PIP5K1B: variants seen among roughly 807,000 people sequenced by gnomAD.
PIP5K1B encodes the protein phosphatidylinositol-4-phosphate 5-kinase type 1 beta, also known as phosphatidylinositol 4-phosphate 5-kinase type-1 beta.
A neutral mutation model predicts 67.0 loss-of-function variants in PIP5K1B; 42 were observed. The observed-to-expected ratio is 0.63, with a 90% CI of 0.49 to 0.81. The LOEUF (loss-of-function observed/expected upper bound fraction) is 0.81, where lower values mean the gene tolerates loss of function less well. Among genes scored for constraint, PIP5K1B ranks in the 30% least tolerant of loss-of-function variants. The pLI, the probability that PIP5K1B is intolerant of heterozygous loss-of-function variation, is 0.00. For missense variants in PIP5K1B, 459 were observed against 646.3 expected, an observed-to-expected ratio of 0.71 and a Z score of 3.14; for synonymous variants, 214 against 231.4, an observed-to-expected ratio of 0.92 and a Z score of 0.68.
intron 4 of PIP5K1B, among the ~76,000 whole-genome samples, chr9:68,859,010 C>G (rs1178963256): frequency 6.6e-6 from 1 of 152,204 alleles, no homozygotes; most frequent in Non-Finnish European, 1.5e-5. Context: ...AGATCCATCT[C>G]TAGCAGAGAA....
chr9:68,858,630 G>A (rs1822904952), intron 4 of PIP5K1B, among the ~76,000 whole-genome samples: 1 of 152,150 alleles, frequency 6.6e-6, no homozygotes, highest in African/African-American at 2.4e-5. Context: ...CCTCCAGGGA[G>A]GGCACTGAGA....
chr9:69,000,348 A>G (rs1338502042), intron 15 of PIP5K1B, among the ~76,000 whole-genome samples: 5 of 152,190 alleles, frequency 3.3e-5, no homozygotes, highest in South Asian at 2.1e-4. Context: ...ATTAAATATA[A>G]TAAGATAAAA....
intron 1 of PIP5K1B, among the ~76,000 whole-genome samples, chr9:68,716,065 A>G (rs1226212916): frequency 6.6e-6 from 1 of 152,192 alleles, no homozygotes; most frequent in African/African-American, 2.4e-5. Flanking sequence ...TTGGACCCAT[A>G]TGTGTGGATT....
At chr9:68,902,004 A>T (rs1205824306) in intron 8 of PIP5K1B, among the ~76,000 whole-genome samples, 1 of 152,210 alleles carries the variant, frequency 6.6e-6, no homozygotes, top group African/African-American at 2.4e-5. Context: ...CCCTTCACTC[A>T]GTTTCCCCCA....
chr9:68,734,040 T>C (rs987927519), intron 1 of PIP5K1B, among the ~76,000 whole-genome samples: 1 of 152,222 alleles, frequency 6.6e-6, no homozygotes, highest in African/African-American at 2.4e-5. Context: ...AAATTCTGGC[T>C]CTGCAACTTC....
In PIP5K1B at chr9:68,934,970, A is replaced by G. The variant is rs371434931; in HGVS notation, c.1282A>G (p.Ile428Val). The G allele has an allele frequency of 3.7e-5, 60 of 1,613,720 alleles. 2 individuals are homozygous for G. Among genetic ancestry groups the G allele is most frequent in the Admixed American group, 2.0e-4 (12 of 59,986 alleles). Residue 428 changes from isoleucine (I) to valine (V), a missense_variant, in exon 13 of 16, where the codon ATT (isoleucine) becomes GTT (valine). Physicochemically the swap from Ile to Val is conservative, Grantham distance 29. This residue lies in a region of PIP5K1B where 169 missense variants were observed against 171.9 expected (regional missense o/e 0.98). Coordinates refer to ENST00000265382, the MANE Select transcript of PIP5K1B (RefSeq NM_003558.4). ...CACTTCACAGGAGATTGTGTCCTCA[A>G]TTAGCCAGGAATGGAAGGATGAGAA... Reference protein sequence around the residue: ...KATSQEIVSSISQEWKDEKRD... With the variant: ...KATSQEIVSSVSQEWKDEKRD...
intron 8 of PIP5K1B, among the ~76,000 whole-genome samples, chr9:68,909,890 T>A (rs1267459425): frequency 6.6e-6 from 1 of 152,252 alleles, no homozygotes; most frequent in Non-Finnish European, 1.5e-5. Flanking sequence ...TTTTATTATA[T>A]GTCTGCTAGA....
intron 15 of PIP5K1B, among the ~76,000 whole-genome samples, chr9:69,002,629 AAGAG>A (rs909845919): frequency 9.9e-5 from 15 of 152,018 alleles, no homozygotes; most frequent in African/African-American, 3.6e-4. Flanking sequence ...ATTTAAAAAA[AAGAG>A]AGAGAGAGAG....
chr9:68,797,752 G>T lies in PIP5K1B; in HGVS notation c.-85-20709G>T, dbSNP rs935244791. Reference sequence around the variant, plus strand: ...AAAGAATATATAGTTCAAATTATCTGCTAAATTTTTTGTGCTGTTAGTAAT... The same window carrying T: ...AAAGAATATATAGTTCAAATTATCTTCTAAATTTTTTGTGCTGTTAGTAAT... On this transcript the variant is annotated intron_variant, in intron 2 of 15. Transcript: ENST00000265382. 7.2e-5 allele frequency among the ~76,000 whole-genome samples: 11 copies of T among 152,312 alleles called. No homozygotes were observed. The East Asian group carries it at 9.6e-4, about 13-fold the overall frequency.
intron 6 of PIP5K1B, among the ~76,000 whole-genome samples, chr9:68,878,092 A>C (rs1205854569): frequency 6.6e-6 from 1 of 151,276 alleles, no homozygotes; most frequent in Non-Finnish European, 1.5e-5. Flanking sequence ...TTCTGTAATT[A>C]CTGAGGGTTG....
At chr9:68,731,666 G>T (rs1828438297) in intron 1 of PIP5K1B, among the ~76,000 whole-genome samples, 1 of 152,186 alleles carries the variant, frequency 6.6e-6, no homozygotes, top group African/African-American at 2.4e-5. Flanking sequence ...GCAATTAAAA[G>T]AAAGGTGGTA....
intron 2 of PIP5K1B, among the ~76,000 whole-genome samples, chr9:68,807,315 G>T (rs1438370667): frequency 6.6e-6 from 1 of 152,164 alleles, no homozygotes; most frequent in African/African-American, 2.4e-5. Flanking sequence ...TTCATTGCTT[G>T]TTACGAATTA....
chr9:68,865,128 A>G (rs1432533356), intron 5 of PIP5K1B, among the ~76,000 whole-genome samples: 1 of 152,168 alleles, frequency 6.6e-6, no homozygotes, highest in Non-Finnish European at 1.5e-5. Context: ...AAGTTGGTCT[A>G]CTGGCCTTTT....
At chr9:68,897,324 A>G (rs1161987226) in intron 8 of PIP5K1B, among the ~76,000 whole-genome samples, 4 of 152,250 alleles carry the variant, frequency 2.6e-5, no homozygotes, top group African/African-American at 9.6e-5. Context: ...ACATATTGCA[A>G]GCACACTACA....
At chr9:68,751,662 A>G (rs1829639707) in intron 2 of PIP5K1B, among the ~76,000 whole-genome samples, 1 of 152,222 alleles carries the variant, frequency 6.6e-6, no homozygotes, top group Non-Finnish European at 1.5e-5. Context: ...TTGTTAAATG[A>G]TTTTAGAATA....
At chr9:68,728,342 C>A (rs1419545105) in intron 1 of PIP5K1B, among the ~76,000 whole-genome samples, 2 of 152,114 alleles carry the variant, frequency 1.3e-5, no homozygotes, top group Non-Finnish European at 2.9e-5. Flanking sequence ...TCCTCACATG[C>A]AGACAGCAGA....
chr9:68,977,502 G>GAT (rs939427456), intron 14 of PIP5K1B, among the ~76,000 whole-genome samples: 1 of 152,344 alleles, frequency 6.6e-6, no homozygotes, highest in East Asian at 1.9e-4. Context: ...CAGCCTGGGT[G>GAT]ATAGAGCAAG....
chr9:68,828,557 G>A (rs964389172), intron 4 of PIP5K1B, among the ~76,000 whole-genome samples: 1 of 152,200 alleles, frequency 6.6e-6, no homozygotes, highest in Admixed American at 6.5e-5. Flanking sequence ...CGGTGAGGAA[G>A]GAGGAAATAG....
At chr9:68,800,143 G>T (rs1258415414) in intron 2 of PIP5K1B, among the ~76,000 whole-genome samples, 4 of 152,212 alleles carry the variant, frequency 2.6e-5, no homozygotes, top group Non-Finnish European at 1.5e-5. Context: ...GTTCCTTAGA[G>T]AAACTGAAAA....
Sources: gnomAD v4.1 joint callset for allele counts (sites outside exome capture counted in the v4.1 genomes callset) on GRCh38, gnomAD v4.1.1 for gene constraint, gnomAD v4.1.1 regional missense constraint, MANE v1.5 for transcripts, NCBI Gene and HGNC (gene_info 2026-07-23, HGNC 2026-07-21) for gene names.